Variants in TIAM1 observed in about 807,000 individuals in gnomAD.
TIAM1 encodes the protein TIAM Rac1 associated GEF 1, also known as rho guanine nucleotide exchange factor TIAM1.
Under a neutral mutation model 163.5 loss-of-function variants are expected in TIAM1, and 65 were observed. The ratio of observed to expected loss-of-function variants is 0.40; its 90% confidence interval spans 0.33 to 0.49. The LOEUF (loss-of-function observed/expected upper bound fraction) is 0.49. Among genes scored for constraint, TIAM1 ranks in the 20% least tolerant of loss-of-function variants. The pLI is 0.77. For synonymous variants in TIAM1, 833 were observed against 810.1 expected (o/e 1.03, Z -0.48); for missense variants, 1,789 against 2,044.7 (o/e 0.87, Z 2.41).
chr21:31,437,017 T>C (rs2044233077), intron 2 of TIAM1, among the ~76,000 whole-genome samples: 1 of 152,144 alleles, frequency 6.6e-6, no homozygotes, highest in African/African-American at 2.4e-5. Flanking sequence ...TGTAGCAAAC[T>C]CTGAAATATT....
At chr21:31,520,511 C>T (rs1215476131) in intron 1 of TIAM1, among the ~76,000 whole-genome samples, 1 of 152,124 alleles carries the variant, frequency 6.6e-6, no homozygotes, top group South Asian at 2.1e-4. Context: ...AGAGAAAAGG[C>T]ATTTGTGGTA....
At chr21:31,542,308 T>C (rs1273462845) in intron 1 of TIAM1, among the ~76,000 whole-genome samples, 1 of 151,928 alleles carries the variant, frequency 6.6e-6, no homozygotes, top group Non-Finnish European at 1.5e-5. Context: ...GTGCCTGTAT[T>C]CCCAGCTTCT....
intron 1 of TIAM1, among the ~76,000 whole-genome samples, chr21:31,476,376 G>T (rs1208692542): frequency 6.6e-6 from 1 of 152,186 alleles, no homozygotes; most frequent in Non-Finnish European, 1.5e-5. Context: ...TGCTGGAACG[G>T]AAGGAAGAGA....
intron 14 of TIAM1, among the ~76,000 whole-genome samples, chr21:31,184,389 A>T (rs539303701): frequency 1.3e-5 from 2 of 151,714 alleles, no homozygotes; most frequent in South Asian, 4.1e-4. Flanking sequence ...TACAGGTGTG[A>T]GCCACCGTGC....
At position 31,540,645 on chromosome 21, in the gene TIAM1, G is replaced by A. The variant is rs1601032081; in HGVS notation, c.-422+18282C>T. 4.6e-5 allele frequency among the ~76,000 whole-genome samples: 7 copies of A among 152,324 alleles called. No individual in the cohort carries two copies. The South Asian group carries it at 1.5e-3, about 32-fold the overall frequency. On this transcript the variant is annotated intron_variant, in intron 1 of 28. Transcript: ENST00000286827. ...CTGGTTCATAAAATCAAAGACTCAA[G>A]ACACTGGAAGCTAGAAAGGACCTCA...
chr21:31,296,819 A>G lies in TIAM1; in HGVS notation c.-188-19911T>C, dbSNP rs192768095. Among the ~76,000 whole-genome samples the G allele has an allele frequency of 3.5e-3, 538 of 152,194 alleles. 3 individuals carry two copies. Among genetic ancestry groups the G allele is most frequent in the African/African-American group, 0.012 (515 of 41,520 alleles). ...GCTGGGACTACAGGCATGTGCCACC[A>G]CGCCCAGCTAATTTTTTGTATTTTT... On this transcript the variant is annotated intron_variant, in intron 2 of 27. Coordinates refer to ENST00000541036, the MANE Select transcript of TIAM1 (RefSeq NM_001353694.2).
At chr21:31,523,934 AT>A (rs1217622270) in intron 1 of TIAM1, among the ~76,000 whole-genome samples, 1 of 151,110 alleles carries the variant, frequency 6.6e-6, no homozygotes, top group East Asian at 2.0e-4. Context: ...AAAAAAAAAA[AT>A]AGTATGTACT....
rs201593155 is a variant in TIAM1 at position 31,152,776 on chromosome 21, G to A, written c.3241-15C>T. 1.2e-6 allele frequency: 2 copies of A among 1,613,310 alleles called. No homozygotes were observed. The highest frequency in any genetic ancestry group is 2.2e-5 in the South Asian group (2 of 90,906). On this transcript the variant is annotated splice_polypyrimidine_tract_variant and intron_variant, in intron 18 of 27. Transcript: ENST00000541036. ...AGCACGTCAAGCTAGAAATAAAACA[G>A]AATTTAATGCACCTCATATCTCATT...
intron 27 of TIAM1, among the ~76,000 whole-genome samples, chr21:31,123,691 G>T (rs1464339267): frequency 2.0e-5 from 3 of 152,122 alleles, no homozygotes; most frequent in Non-Finnish European, 4.4e-5. Context: ...TGCAAAGGGG[G>T]CCTTCTTTTA....
intron 27 of TIAM1, among the ~76,000 whole-genome samples, chr21:31,123,116 G>A (rs747699008): frequency 2.6e-5 from 4 of 152,176 alleles, no homozygotes; most frequent in Non-Finnish European, 5.9e-5. Flanking sequence ...ATTGTGGGCT[G>A]GTTTTGTTTT....
In TIAM1 at chr21:31,490,415, C is replaced by T. The variant is rs555564838; in HGVS notation, c.-421-26380G>A. On this transcript the variant is annotated intron_variant, in intron 1 of 28. Coordinates refer to the TIAM1 transcript ENST00000286827. ...AAATAAAATGATTTTTTTTAGACTG[C>T]CAGCAGGACTGGACCTAGCCTTTAC... 3.3e-5 allele frequency among the ~76,000 whole-genome samples: 5 copies of T among 151,724 alleles called. No individual in the cohort carries two copies. The South Asian group carries it at 1.0e-3, about 32-fold the overall frequency.
chr21:31,503,175 G>A (rs1034576490), intron 1 of TIAM1, among the ~76,000 whole-genome samples: 2 of 151,816 alleles, frequency 1.3e-5, no homozygotes, highest in African/African-American at 2.4e-5. Context: ...CGGGTGGGTC[G>A]TTTGAGATCA....
chr21:31,246,230 T>C (rs564694528), intron 5 of TIAM1, among the ~76,000 whole-genome samples: 3 of 152,294 alleles, frequency 2.0e-5, no homozygotes, highest in African/African-American at 7.2e-5. Flanking sequence ...ACTTTTTTTT[T>C]TTCTAGAAGC....
intron 3 of TIAM1, among the ~76,000 whole-genome samples, chr21:31,272,305 C>A (rs2073091755): frequency 6.6e-6 from 1 of 151,934 alleles, no homozygotes; most frequent in Non-Finnish European, 1.5e-5. Flanking sequence ...ACAAGTCAAA[C>A]CACCCTAAGT....
chr21:31,300,516 G>C (rs144733436), intron 2 of TIAM1, among the ~76,000 whole-genome samples: 1 of 152,330 alleles, frequency 6.6e-6, no homozygotes, highest in Non-Finnish European at 1.5e-5. Flanking sequence ...ACATAGAACA[G>C]AGATGGGGGC....
chr21:31,528,962 C>A (rs960229759), intron 1 of TIAM1, among the ~76,000 whole-genome samples: 1 of 126,468 alleles, frequency 7.9e-6, no homozygotes. Context: ...GTCTCAGTCG[C>A]CCAGGCTGGA....
At chr21:31,540,885 T>C (rs988578141) in intron 1 of TIAM1, among the ~76,000 whole-genome samples, 1 of 152,208 alleles carries the variant, frequency 6.6e-6, no homozygotes, top group Non-Finnish European at 1.5e-5. Flanking sequence ...GGAGATATTG[T>C]TCAATTAACA....
intron 3 of TIAM1, among the ~76,000 whole-genome samples, chr21:31,273,615 A>C (rs1188570879): frequency 1.3e-5 from 2 of 152,364 alleles, no homozygotes; most frequent in African/African-American, 4.8e-5. Flanking sequence ...TGCCTGCAAA[A>C]TAACAACAAG....
intron 2 of TIAM1, among the ~76,000 whole-genome samples, chr21:31,335,629 T>G (rs1161609050): frequency 6.6e-6 from 1 of 150,854 alleles, no homozygotes; most frequent in East Asian, 2.0e-4. Context: ...TGCTTGAACC[T>G]GGGAGGCGGA....
Sources: allele counts gnomAD v4.1 joint callset (sites outside exome capture counted in the v4.1 genomes callset), GRCh38; gene constraint gnomAD v4.1.1; transcripts MANE v1.5; gene names NCBI Gene and HGNC (gene_info 2026-07-23, HGNC 2026-07-21).